Variants in UNC13B observed in about 807,000 individuals in gnomAD.
The protein encoded by UNC13B is protein unc-13 homolog B.
UNC13B carries 144 observed loss-of-function variants against 211.0 expected under a neutral mutation model. That is an observed-to-expected ratio of 0.68 (90% CI 0.60 to 0.78). UNC13B has a LOEUF of 0.78. Ranked by LOEUF, UNC13B falls within the 30% of genes least tolerant of loss-of-function variation. UNC13B has a pLI of 0.00. For synonymous variants in UNC13B, 709 were observed against 725.8 expected (o/e 0.98, Z 0.37); for missense variants, 1,777 against 2,002.0 (o/e 0.89, Z 2.14).
chr9:35,395,620 G>T (rs1254865019), intron 26 of UNC13B, among the ~76,000 whole-genome samples: 1 of 152,156 alleles, frequency 6.6e-6, no homozygotes, highest in African/African-American at 2.4e-5. Context: ...GCATACAATT[G>T]ATTTTTATTA....
At chr9:35,310,414 C>T in intron 9 of UNC13B, 53 bp from the exon 10 acceptor site, 1 of 1,566,216 alleles carries the variant, frequency 6.4e-7, no homozygotes, top group Non-Finnish European at 8.7e-7. Context: ...TTTCTTTTGT[C>T]CTGGTCCCTG....
intron 11 of UNC13B, among the ~76,000 whole-genome samples, chr9:35,323,870 C>T (rs1830868555): frequency 1.3e-5 from 2 of 152,068 alleles, no homozygotes; most frequent in African/African-American, 4.8e-5. Context: ...ACAACTTTCC[C>T]ATAATTCCCC....
At chr9:35,331,274 G>A (rs1027429522) in intron 11 of UNC13B, among the ~76,000 whole-genome samples, 2 of 152,120 alleles carry the variant, frequency 1.3e-5, no homozygotes, top group African/African-American at 2.4e-5. Context: ...TTTGAGACAA[G>A]GTCTCGCTCT....
At position 35,397,293 on chromosome 9, in the gene UNC13B, A is replaced by T. The variant is rs1835946847; in HGVS notation, c.11659A>T (p.Met3887Leu). The change falls in exon 29 of 40, where the codon ATG becomes TTG. Residue 3887 changes from methionine to leucine, a missense_variant. By Grantham distance (15) the Met-to-Leu change is conservative. Coordinates refer to ENST00000635942, the MANE Select transcript of UNC13B (RefSeq NM_001371189.2). ...AGACCCCAGCATCCTTGCCCACTAC[A>T]TGAGGAGGTTTGCTAAGGTGACCAT... is the stretch of plus-strand genomic sequence containing the variant. ...CPDPSILAHY[M>L]RRFAKTIGKV... 6.2e-7 allele frequency: 1 copy of T among 1,614,046 alleles called. No homozygotes were observed. Among genetic ancestry groups the T allele is most frequent in the Non-Finnish European group, 8.5e-7 (1 of 1,179,998 alleles).
At chr9:35,280,445 G>T (rs1020706605) in intron 7 of UNC13B, among the ~76,000 whole-genome samples, 5 of 152,018 alleles carry the variant, frequency 3.3e-5, no homozygotes, top group African/African-American at 1.2e-4. Flanking sequence ...GATCAGACAG[G>T]GTATAGCTTC....
chr9:35,333,074 A>G (rs1205635084), intron 11 of UNC13B, among the ~76,000 whole-genome samples: 1 of 152,134 alleles, frequency 6.6e-6, no homozygotes, highest in African/African-American at 2.4e-5. Context: ...TTCTGTTTAC[A>G]TGGATGTAAA....
At chr9:35,257,417 TA>T (rs1370867698) in intron 6 of UNC13B, among the ~76,000 whole-genome samples, 8 of 141,882 alleles carry the variant, frequency 5.6e-5, no homozygotes, top group East Asian at 2.0e-4. Context: ...TAAATATTTA[TA>T]AAAAATATAA....
At position 35,402,086 on chromosome 9, in the gene UNC13B, T is replaced by C. The variant is rs751912897; in HGVS notation, c.12485-1081T>C. 4.2e-4 allele frequency: 571 copies of C among 1,357,806 alleles called. 1 individual carries two copies. The highest frequency in any genetic ancestry group is 1.9e-3 in the Admixed American group (93 of 49,978). 84.1% of individuals were successfully genotyped at this position (1,357,806 alleles called of 1,614,324 possible). A position where few individuals can be genotyped will look rare whatever the true frequency, so the allele number is the denominator to read the frequency against. ...GGGAGCTAGAATGAGCAACTCGTGC[T>C]GGGGGTGGGGGAACAAGCTGTCAAG... On this transcript the variant is annotated intron_variant, in intron 37 of 39. Transcript: ENST00000635942.
At position 35,304,869 on chromosome 9, in the gene UNC13B, G is replaced by T. The variant is rs191661808; in HGVS notation, c.5465G>T (p.Arg1822Ile). Residue 1822 changes from arginine to isoleucine, a missense_variant, in exon 9 of 40, where the codon AGA becomes ATA. Coordinates refer to ENST00000635942, the MANE Select transcript of UNC13B (RefSeq NM_001371189.2). Reference sequence around the variant, plus strand: ...AAAAGTCTTCTTAAGGATTCAGAAAGACAGATAGTATCCAATGTTCAGCAT... The same window carrying T: ...AAAAGTCTTCTTAAGGATTCAGAAATACAGATAGTATCCAATGTTCAGCAT... ...VEKSLLKDSE[R>I]QIVSNVQHPE... The T allele has an allele frequency of 1.5e-5, 6 of 398,944 alleles. No homozygotes were observed. The highest frequency in any genetic ancestry group is 1.3e-4 in the Admixed American group (3 of 22,718). The allele number at this position is 398,944 out of a possible 1,614,324, so 24.7% of individuals were successfully genotyped here.
chr9:35,279,092 G>A (rs565435425), intron 7 of UNC13B, among the ~76,000 whole-genome samples: 1 of 152,106 alleles, frequency 6.6e-6, no homozygotes. Context: ...ATATAATTTA[G>A]TGACATTTAG....
chr9:35,168,528 G>A (rs1821165712), intron 1 of UNC13B, among the ~76,000 whole-genome samples: 1 of 152,132 alleles, frequency 6.6e-6, no homozygotes, highest in South Asian at 2.1e-4. Flanking sequence ...AAATGCCTCG[G>A]TGTCTCAGAT....
At chr9:35,399,915 G>T (rs1316784491) in intron 36 of UNC13B, among the ~76,000 whole-genome samples, 186 bp downstream of exon 36, 2 of 152,162 alleles carry the variant, frequency 1.3e-5, no homozygotes, top group Non-Finnish European at 2.9e-5. Context: ...CATTGGTAAG[G>T]TGATATAAGG....
At chr9:35,353,206 C>G in intron 11 of UNC13B, 3 of 1,232,148 alleles carry the variant, frequency 2.4e-6, no homozygotes, top group Non-Finnish European at 3.0e-6. Flanking sequence ...ATGTCTTTGA[C>G]AAGTCCTCTT....
At chr9:35,273,679 G>A (rs1828016868) in intron 7 of UNC13B, among the ~76,000 whole-genome samples, 1 of 152,132 alleles carries the variant, frequency 6.6e-6, no homozygotes, top group Non-Finnish European at 1.5e-5. Context: ...CTCTACAAGT[G>A]ATGATGGTAT....
At chr9:35,381,843 T>A in intron 20 of UNC13B, 124 bp downstream of exon 20, 1 of 1,214,416 alleles carries the variant, frequency 8.2e-7, no homozygotes, top group Non-Finnish European at 1.2e-6. Flanking sequence ...CTTTCCTCTC[T>A]GAGCTGGGTG....
At chr9:35,277,102 A>G (rs1192835083) in intron 7 of UNC13B, among the ~76,000 whole-genome samples, 1 of 151,908 alleles carries the variant, frequency 6.6e-6, no homozygotes, top group Non-Finnish European at 1.5e-5. Flanking sequence ...TTGCTGTCTG[A>G]TATGTTAGGT....
intron 11 of UNC13B, among the ~76,000 whole-genome samples, chr9:35,365,433 A>C (rs777416029): frequency 1.2e-4 from 18 of 152,154 alleles, no homozygotes; most frequent in Admixed American, 2.0e-4. Flanking sequence ...AGGTTCTCAG[A>C]CTTTTTGTGA....
intron 1 of UNC13B, among the ~76,000 whole-genome samples, chr9:35,221,547 G>A (rs1270799988): frequency 2.0e-5 from 3 of 152,180 alleles, no homozygotes; most frequent in Non-Finnish European, 2.9e-5. Flanking sequence ...TCTTCACTTT[G>A]TTGATTGTTT....
intron 11 of UNC13B, chr9:35,341,815 C>G: frequency 2.0e-6 from 1 of 509,808 alleles, no homozygotes; most frequent in Non-Finnish European, 2.5e-6. Flanking sequence ...GGCTGGTGCC[C>G]TATGGGAGGT....
Sources: allele counts gnomAD v4.1 joint callset (sites outside exome capture counted in the v4.1 genomes callset), GRCh38; gene constraint gnomAD v4.1.1; transcripts MANE v1.5; gene names NCBI Gene and HGNC (gene_info 2026-07-23, HGNC 2026-07-21).